Variants in ADCY8 observed in about 807,000 individuals in gnomAD.
ADCY8 encodes adenylate cyclase type 8.
ADCY8 carries 51 observed loss-of-function variants against 119.7 expected under a neutral mutation model. That is an observed-to-expected ratio of 0.43 (90% CI 0.34 to 0.54). ADCY8 has a LOEUF of 0.54. Among genes scored for constraint, ADCY8 ranks in the 20% least tolerant of loss-of-function variants. The probability of loss-of-function intolerance (pLI) is 0.03; values close to 1 mark genes in which losing one functional copy is unlikely to be tolerated. For synonymous variants in ADCY8, 665 were observed against 651.0 expected (o/e 1.02, Z -0.33); for missense variants, 1,383 against 1,598.8 (o/e 0.87, Z 2.30).
intron 1 of ADCY8, among the ~76,000 whole-genome samples, chr8:131,019,735 T>C (rs1307600433): frequency 2.0e-5 from 3 of 151,958 alleles, no homozygotes; most frequent in Non-Finnish European, 2.9e-5. Context: ...CATACCTGAC[T>C]CACTCCCTAT....
At position 131,011,876 on chromosome 8, in the gene ADCY8, A is replaced by G. The variant is rs549005091; in HGVS notation, c.961-21334T>C. Among the ~76,000 whole-genome samples the G allele has an allele frequency of 2.6e-5, 4 of 152,248 alleles. No homozygotes were observed. In the South Asian group the frequency reaches 6.2e-4, roughly 24 times the overall value. Reference sequence around the variant, plus strand: ...CAGCTGAAGAGCCATCTTGCAGTCAATACTCCCTGAGGATGGGTTGTCACC... The same window carrying G: ...CAGCTGAAGAGCCATCTTGCAGTCAGTACTCCCTGAGGATGGGTTGTCACC... On this transcript the variant is annotated intron_variant, in intron 1 of 17. Coordinates refer to ENST00000286355, the MANE Select transcript of ADCY8 (RefSeq NM_001115.3).
In ADCY8 at chr8:131,039,457, T is replaced by G; in HGVS notation, c.877A>C (p.Ile293Leu). The G allele has an allele frequency of 6.2e-7, 1 of 1,614,144 alleles. No individual in the cohort carries two copies. Among genetic ancestry groups the G allele is most frequent in the Non-Finnish European group, 8.5e-7 (1 of 1,180,036 alleles). Residue 293 changes from isoleucine (I) to leucine (L), a missense_variant, in exon 1 of 18, where the codon ATC (isoleucine) becomes CTC (leucine). By Grantham distance (5) the Ile-to-Leu change is conservative. This residue lies in a region of ADCY8 where 455 missense variants were observed against 435.3 expected (regional missense o/e 1.05). Transcript: ENST00000286355. ...SMLPLPLTWA[I>L]LAGLGTSLLQ... ...AGCGAGGTGCCCAGGCCGGCCAGGA[T>G]GGCCCAGGTGAGCGGCAGCGGCAGC...
chr8:130,950,616 T>C (rs1821241227), intron 3 of ADCY8, among the ~76,000 whole-genome samples: 1 of 152,252 alleles, frequency 6.6e-6, no homozygotes, highest in African/African-American at 2.4e-5. Context: ...TCTGTGGCCT[T>C]GCTTCATTCT....
chr8:130,828,198 C>T (rs887252838), intron 12 of ADCY8, among the ~76,000 whole-genome samples: 2 of 152,188 alleles, frequency 1.3e-5, no homozygotes, highest in Non-Finnish European at 1.5e-5. Flanking sequence ...AGCCATGTCT[C>T]CTATCCTCTC....
intron 2 of ADCY8, among the ~76,000 whole-genome samples, chr8:130,979,730 T>A (rs1052955388): frequency 6.6e-6 from 1 of 152,186 alleles, no homozygotes; most frequent in African/African-American, 2.4e-5. Context: ...TTCACCCACT[T>A]CATAGGATTT....
intron 1 of ADCY8, among the ~76,000 whole-genome samples, chr8:131,032,720 A>T (rs895663307): frequency 2.0e-5 from 3 of 152,170 alleles, no homozygotes; most frequent in Admixed American, 6.5e-5. Flanking sequence ...TGCTTAAGTG[A>T]CCTGACTTCT....
At chr8:130,933,921 T>G (rs1297438855) in intron 5 of ADCY8, among the ~76,000 whole-genome samples, 1 of 152,224 alleles carries the variant, frequency 6.6e-6, no homozygotes. Context: ...AATCACAGAT[T>G]TTCAGAACTG....
chr8:130,856,850 A>G (rs563664927), intron 9 of ADCY8, among the ~76,000 whole-genome samples: 1 of 151,500 alleles, frequency 6.6e-6, no homozygotes, highest in Non-Finnish European at 1.5e-5. Context: ...CTTGAGATTT[A>G]TTCCTAGTGT....
chr8:131,039,410 C>T lies in ADCY8; in HGVS notation c.924G>A (p.Val308=), dbSNP rs766665830. ...AAATGACCGCCAGCCGGGGTATGAC[C>T]ACTTGGAGGATGACCTGCAGCAGCG... ...GTSLLQVILQ[V]VIPRLAVISI... is the part of the protein sequence containing the mutation. The change falls in exon 1 of 18, where the codon GTG becomes GTA. Residue 308 remains valine, a synonymous_variant. Transcript: ENST00000286355. 4 of 1,614,104 alleles carry T rather than the reference C, an allele frequency of 2.5e-6. No homozygotes were observed. The highest frequency in any genetic ancestry group is 3.4e-6 in the Non-Finnish European group (4 of 1,180,008).
chr8:130,966,287 T>C (rs1821758661), intron 2 of ADCY8, among the ~76,000 whole-genome samples: 1 of 152,184 alleles, frequency 6.6e-6, no homozygotes, highest in Non-Finnish European at 1.5e-5. Flanking sequence ...TGGAGGAAAC[T>C]TGTTCAGTTT....
chr8:131,032,922 T>C (rs925625234), intron 1 of ADCY8, among the ~76,000 whole-genome samples: 8 of 152,190 alleles, frequency 5.3e-5, no homozygotes, highest in Admixed American at 5.2e-4. Flanking sequence ...CTCACTCTTT[T>C]GCCAACTGAG....
intron 2 of ADCY8, among the ~76,000 whole-genome samples, chr8:130,978,648 A>G (rs1222000008): frequency 6.6e-6 from 1 of 152,202 alleles, no homozygotes; most frequent in Non-Finnish European, 1.5e-5. Flanking sequence ...AAGACATGAC[A>G]TATATAACTC....
intron 11 of ADCY8, among the ~76,000 whole-genome samples, chr8:130,837,361 G>A (rs1484319654): frequency 2.6e-5 from 4 of 151,994 alleles, no homozygotes; most frequent in African/African-American, 4.8e-5. Context: ...CCTGTTGCTC[G>A]ACTCTCATCC....
rs568855854 is a variant in ADCY8 at position 130,859,483 on chromosome 8, G to C, written c.2210+8363C>G. 3.1e-3 allele frequency among the ~76,000 whole-genome samples: 469 copies of C among 152,292 alleles called. 4 individuals carry two copies. Among genetic ancestry groups the C allele is most frequent in the Non-Finnish European group, 5.4e-3 (370 of 68,024 alleles). ...AACTACAGCACAGTGCTTAAGTGCA[G>C]TTTCTCTTGCCTTTAATCCTACAGA... is the stretch of plus-strand genomic sequence containing the variant. On this transcript the variant is annotated intron_variant, in intron 9 of 17. Coordinates refer to ENST00000286355, the MANE Select transcript of ADCY8 (RefSeq NM_001115.3).
At chr8:130,784,632 T>C (rs1391888103) in intron 16 of ADCY8, among the ~76,000 whole-genome samples, 1 of 152,232 alleles carries the variant, frequency 6.6e-6, no homozygotes, top group East Asian at 1.9e-4. Context: ...ATGGCTGTTT[T>C]CCAATAAAGT....
At chr8:130,846,077 C>G (rs1446870732) in intron 11 of ADCY8, among the ~76,000 whole-genome samples, 1 of 152,064 alleles carries the variant, frequency 6.6e-6, no homozygotes, top group Non-Finnish European at 1.5e-5. Flanking sequence ...GGCTTGGTCT[C>G]CTTGTTGGAA....
At chr8:130,989,142 C>T (rs1245586989) in intron 2 of ADCY8, among the ~76,000 whole-genome samples, 5 of 152,196 alleles carry the variant, frequency 3.3e-5, no homozygotes, top group Admixed American at 6.5e-5. Context: ...AGAGAAACTA[C>T]TATGAGGTTC....
chr8:130,961,196 G>A (rs1821592987), intron 2 of ADCY8, among the ~76,000 whole-genome samples: 3 of 152,064 alleles, frequency 2.0e-5, no homozygotes, highest in Admixed American at 2.0e-4. Flanking sequence ...TGCAACCTCT[G>A]CCTCTGGGTT....
intron 6 of ADCY8, among the ~76,000 whole-genome samples, chr8:130,909,407 G>C (rs1476855113): frequency 6.6e-6 from 1 of 152,182 alleles, no homozygotes; most frequent in Non-Finnish European, 1.5e-5. Context: ...CTGGCATGGG[G>C]TCTGGACACT....
Sources: allele counts gnomAD v4.1 joint callset (sites outside exome capture counted in the v4.1 genomes callset), GRCh38; gene constraint gnomAD v4.1.1; regional missense constraint gnomAD v4.1.1; transcripts MANE v1.5; gene names NCBI Gene and HGNC (gene_info 2026-07-23, HGNC 2026-07-21).